Variants in REXO5 observed in about 807,000 individuals in gnomAD.
The protein encoded by REXO5 is RNA exonuclease 5.
A neutral mutation model predicts 88.5 loss-of-function variants in REXO5; 48 were observed. The observed-to-expected ratio is 0.54, with a 90% confidence interval of 0.43 to 0.69. The LOEUF is 0.69. Among genes scored for constraint, REXO5 ranks in the 30% least tolerant of loss-of-function variants. REXO5 has a pLI of 0.00. For synonymous variants in REXO5, 311 were observed against 336.5 expected (o/e 0.92, Z 0.83); for missense variants, 749 against 912.2 (o/e 0.82, Z 2.30).
At chr16:20,827,502 A>C (rs377753603) in intron 10 of REXO5, 55 bp downstream of exon 10, 12 of 1,308,986 alleles carry the variant, frequency 9.2e-6, no homozygotes. Context: ...ACAAGTTAGC[A>C]TGTAGTATCT....
chr16:20,825,780 A>T, intron 7 of REXO5, 53 bp from the exon 8 acceptor site: 2 of 1,270,956 alleles, frequency 1.6e-6, no homozygotes, highest in Admixed American at 3.6e-5. Flanking sequence ...AAATAGTAAG[A>T]AGAAGCAATA....
intron 16 of REXO5, among the ~76,000 whole-genome samples, 197 bp downstream of exon 16, chr16:20,844,223 C>A (rs1296712172): frequency 6.6e-6 from 1 of 152,228 alleles, no homozygotes; most frequent in Non-Finnish European, 1.5e-5. Flanking sequence ...TGTCAGAAAT[C>A]ATCCTGGGCT....
At chr16:20,845,322 T>C in intron 18 of REXO5, 81 bp downstream of exon 18, 2 of 1,282,032 alleles carry the variant, frequency 1.6e-6, no homozygotes, top group South Asian at 3.0e-5. Context: ...TTTTTTTTTT[T>C]TCTACCCTGG....
At chr16:20,838,700 GT>G (rs1048672997) in intron 13 of REXO5, among the ~76,000 whole-genome samples, 1 of 152,120 alleles carries the variant, frequency 6.6e-6, no homozygotes, top group African/African-American at 2.4e-5. Context: ...GATCACATCT[GT>G]TTTCAGTGGC....
At chr16:20,835,386 A>G (rs1391556871) in intron 13 of REXO5, among the ~76,000 whole-genome samples, 1 of 152,158 alleles carries the variant, frequency 6.6e-6, no homozygotes, top group Non-Finnish European at 1.5e-5. Flanking sequence ...CTTAATCTCC[A>G]TAAATTATGA....
chr16:20,843,129 C>T (rs547129569), intron 15 of REXO5, among the ~76,000 whole-genome samples: 27 of 152,180 alleles, frequency 1.8e-4, no homozygotes, highest in East Asian at 1.9e-4. Flanking sequence ...ACATCTTTTA[C>T]AGCAAAGTCT....
chr16:20,818,118 CCTT>C (rs1435438212), intron 5 of REXO5, among the ~76,000 whole-genome samples: 3 of 152,190 alleles, frequency 2.0e-5, no homozygotes, highest in African/African-American at 7.2e-5. Flanking sequence ...TTAACAGAGA[CCTT>C]CTCAGCTCAT....
intron 13 of REXO5, among the ~76,000 whole-genome samples, chr16:20,835,589 G>A (rs1055921006): frequency 3.3e-5 from 5 of 151,736 alleles, no homozygotes; most frequent in African/African-American, 1.2e-4. Flanking sequence ...CTATCTTTAA[G>A]GATCACTGTC....
intron 1 of REXO5, 69 bp from the exon 2 acceptor site, chr16:20,806,883 C>G: frequency 6.6e-7 from 1 of 1,520,578 alleles, no homozygotes; most frequent in Non-Finnish European, 8.8e-7. Flanking sequence ...AGCTCTCCCG[C>G]TAGGAGGCGG....
intron 8 of REXO5, 71 bp from the exon 9 acceptor site, chr16:20,826,987 T>G: frequency 5.3e-6 from 8 of 1,503,914 alleles, no homozygotes; most frequent in Non-Finnish European, 7.2e-6. Flanking sequence ...AATGTTATTT[T>G]TAAAATCACT....
rs749452595 is a variant in REXO5 at position 20,816,161 on chromosome 16, G to A, written c.424G>A (p.Val142Ile). The change falls in exon 5 of 20, where the codon GTT becomes ATT. Residue 142 changes from valine to isoleucine, a missense_variant. Transcript: ENST00000261377. ...PPSSDFLADV[V>I]GLQTEQRAGD... The stretch of plus-strand genomic sequence containing the variant: ...ATCATCTGATTTTCTAGCTGATGTT[G>A]TTGGGCTACAAACTGAACAAAGAGC... The A allele has an allele frequency of 2.5e-6, 4 of 1,613,956 alleles. No homozygotes were observed. The African/African-American group carries it at 4.0e-5, about 16-fold the overall frequency.
intron 13 of REXO5, among the ~76,000 whole-genome samples, chr16:20,837,533 C>A (rs538825490): frequency 6.6e-6 from 1 of 152,126 alleles, no homozygotes; most frequent in East Asian, 1.9e-4. Context: ...CATTTGTATA[C>A]TCCTAATTCT....
chr16:20,848,436 G>A (rs2152514258), intron 19 of REXO5, among the ~76,000 whole-genome samples: 1 of 152,276 alleles, frequency 6.6e-6, no homozygotes, highest in South Asian at 2.1e-4. Context: ...TACTGAACAA[G>A]TGGAGAAAAA....
chr16:20,820,546 T>TGCAAAATTCAGGG (rs2081167098), intron 5 of REXO5, among the ~76,000 whole-genome samples: 1 of 17,466 alleles, frequency 5.7e-5, no homozygotes. Flanking sequence ...ATATATATAT[T>TGCAAAATTCAGGG]TTTTTTTTTT....
At chr16:20,847,495 C>T (rs1267319378) in intron 19 of REXO5, among the ~76,000 whole-genome samples, 1 of 151,546 alleles carries the variant, frequency 6.6e-6, no homozygotes, top group Non-Finnish European at 1.5e-5. Context: ...ATGAATACCT[C>T]TGGCCTTGAA....
intron 12 of REXO5, 135 bp downstream of exon 12, chr16:20,832,394 C>A: frequency 3.9e-6 from 2 of 513,108 alleles, no homozygotes; most frequent in Non-Finnish European, 3.4e-6. Flanking sequence ...ACATCTATCA[C>A]AAAAACCACG....
chr16:20,813,248 T>A lies in REXO5; in HGVS notation c.197T>A (p.Leu66Gln). The change falls in exon 3 of 20, where the codon CTG becomes CAG. Residue 66 changes from leucine to glutamine, a missense_variant. By Grantham distance (113) the Leu-to-Gln change is moderately radical. Coordinates refer to ENST00000261377, the MANE Select transcript of REXO5 (RefSeq NM_030941.3). ...TDNCEVTHDQ[L>Q]CELLKYAVLG... ...AACTGTGAAGTAACCCATGACCAGC[T>A]GTGTGAATTGCTGAAGTATGCAGTT... The A allele has an allele frequency of 6.2e-7, 1 of 1,613,996 alleles. No individual in the cohort carries two copies. Among genetic ancestry groups the A allele is most frequent in the Non-Finnish European group, 8.5e-7 (1 of 1,179,954 alleles).
In REXO5 at chr16:20,806,629, C is replaced by T. The variant is rs1408918037; in HGVS notation, c.-79C>T. ...GGGCGTGGGGAGTGGTTTTAGGCGG[C>T]GAAGCCGCTCGGCAGCACCTTCCTT... On this transcript the variant is annotated 5_prime_UTR_variant, in exon 1 of 20. Transcript: ENST00000261377. 6.9e-6 allele frequency: 9 copies of T among 1,295,906 alleles called. No individual in the cohort carries two copies. Among genetic ancestry groups the T allele is most frequent in the African/African-American group, 1.5e-5 (1 of 66,824 alleles). 80.3% of individuals were successfully genotyped at this position (1,295,906 alleles called of 1,614,324 possible). A position where few individuals can be genotyped will look rare whatever the true frequency, so the allele number is the denominator to read the frequency against.
At chr16:20,829,221 G>C (rs556656099) in intron 11 of REXO5, among the ~76,000 whole-genome samples, 101 of 152,258 alleles carry the variant, frequency 6.6e-4, no homozygotes, top group African/African-American at 2.4e-3. Flanking sequence ...GAGAGTAAAT[G>C]AGATATTGTG....
Sources: allele counts gnomAD v4.1 joint callset (sites outside exome capture counted in the v4.1 genomes callset), GRCh38; gene constraint gnomAD v4.1.1; transcripts MANE v1.5; gene names NCBI Gene and HGNC (gene_info 2026-07-23, HGNC 2026-07-21).